WNT8B: variants seen among roughly 807,000 people sequenced by gnomAD.
The protein encoded by WNT8B is protein Wnt-8b.
WNT8B carries 24 observed loss-of-function variants against 36.6 expected under a neutral mutation model. That is an observed-to-expected ratio of 0.66 (90% CI 0.48 to 0.92). The LOEUF (loss-of-function observed/expected upper bound fraction) is 0.92. WNT8B is among the 40% of genes least tolerant of loss of function. The pLI is 0.00. For synonymous variants in WNT8B, 199 were observed against 189.8 expected (o/e 1.05, Z -0.40); for missense variants, 402 against 470.8 (o/e 0.85, Z 1.35).
rs769222868 is a variant in WNT8B, at chr10:100,482,676, G to A, written c.916G>A (p.Val306Met). 1.8e-5 allele frequency: 29 copies of A among 1,609,424 alleles called. No homozygotes were observed. The highest frequency in any genetic ancestry group is 8.4e-5 in the Admixed American group (5 of 59,866). Residue 306 changes from valine (V) to methionine (M), a missense_variant, in exon 6 of 6, where the codon GTG becomes ATG. Val to Met is a conservative substitution (Grantham distance 21, BLOSUM62 1). Coordinates refer to ENST00000343737, the MANE Select transcript of WNT8B (RefSeq NM_003393.4). The surrounding 1 kb of genome is among the most constrained non-coding windows in gnomAD (Gnocchi z 6.6). ...GGTGGAGGAGCGCCGGGCCGAGACC[G>A]TGTCCAGCTGCAACTGCAAGTTCCA... Reference protein sequence around the residue: ...LAVEERRAETVSSCNCKFHWC... With the variant: ...LAVEERRAETMSSCNCKFHWC...
chr10:100,481,837 C>A, intron 4 of WNT8B, 75 bp from the exon 5 acceptor site: 1 of 1,581,696 alleles, frequency 6.3e-7, no homozygotes, highest in Non-Finnish European at 8.6e-7. Context: ...CACCCCCAAC[C>A]CAATTAGAAA....
At chr10:100,467,411 T>A (rs554130121) in intron 1 of WNT8B, among the ~76,000 whole-genome samples, 1 of 152,266 alleles carries the variant, frequency 6.6e-6, no homozygotes, top group East Asian at 1.9e-4. Flanking sequence ...TAAGACCCTA[T>A]AAGAGGGCTA....
intron 1 of WNT8B, among the ~76,000 whole-genome samples, chr10:100,467,511 C>T (rs1183699832): frequency 2.0e-5 from 3 of 152,120 alleles, no homozygotes; most frequent in Non-Finnish European, 2.9e-5. Context: ...AGGAATTTCC[C>T]CTTCATTCAA....
In WNT8B at chr10:100,482,544, C is replaced by A; in HGVS notation, c.784C>A (p.Leu262Ile). ...GGACTACTGCCTGGAGAACAAAACG[C>A]TAGGGCTGCTGGGCACCGAAGGCCG... ...SPDYCLENKTLGLLGTEGREC... is the reference protein window; with the variant it reads ...SPDYCLENKTIGLLGTEGREC... Residue 262 changes from leucine to isoleucine, a missense_variant, in exon 6 of 6, where the codon CTA becomes ATA. This residue lies in a region of WNT8B where 256 missense variants were observed against 278.6 expected (regional missense o/e 0.92). Transcript: ENST00000343737. This position sits in a 1 kb window ranked among gnomAD's most constrained non-coding sequence, Gnocchi z 6.6. 6.3e-7 allele frequency: 1 copy of A among 1,599,432 alleles called. No homozygotes were observed. Among genetic ancestry groups the A allele is most frequent in the Non-Finnish European group, 8.5e-7 (1 of 1,179,142 alleles).
At chr10:100,468,897 C>T (rs1850940804) in intron 1 of WNT8B, among the ~76,000 whole-genome samples, 1 of 152,216 alleles carries the variant, frequency 6.6e-6, no homozygotes. Flanking sequence ...TTTTAATATA[C>T]ATTTTAATAT....
At chr10:100,476,318 C>A (rs528174062) in intron 1 of WNT8B, among the ~76,000 whole-genome samples, 17 of 151,730 alleles carry the variant, frequency 1.1e-4, no homozygotes, top group Admixed American at 2.6e-4. Context: ...AAAAAATAGG[C>A]CTTAGTTTTG....
At position 100,482,218 on chromosome 10, in the gene WNT8B, T is replaced by TA; in HGVS notation, c.511-50dup. 3.9e-6 allele frequency: 6 copies of TA among 1,540,004 alleles called. No individual in the cohort carries two copies. Among genetic ancestry groups the TA allele is most frequent in the Non-Finnish European group, 5.2e-6 (6 of 1,146,912 alleles). On this transcript the variant is annotated intron_variant, in intron 5 of 5. Coordinates refer to ENST00000343737, the MANE Select transcript of WNT8B (RefSeq NM_003393.4). The surrounding 1 kb of genome is among the most constrained non-coding windows in gnomAD (Gnocchi z 6.6). Reference sequence around the variant, plus strand: ...TTCTCGCAACTCCCACAGGGGCAGTTAAACTCGCCACGCGCTTAATCCGGG... The same window carrying TA: ...TTCTCGCAACTCCCACAGGGGCAGTTAAAACTCGCCACGCGCTTAATCCGGG...
intron 1 of WNT8B, among the ~76,000 whole-genome samples, chr10:100,464,489 A>G (rs1375677472): frequency 6.6e-6 from 1 of 152,214 alleles, no homozygotes; most frequent in Admixed American, 6.5e-5. Flanking sequence ...GCAAAAGAGA[A>G]ACACGAGATT....
chr10:100,477,940 C>CTGTTTTTTTTT lies in WNT8B; in HGVS notation c.69-1111_69-1110insGTTTTTTTTTT, dbSNP rs1169521181. Among the ~76,000 whole-genome samples, 464 of 145,092 alleles carry CTGTTTTTTTTT rather than the reference C, an allele frequency of 3.2e-3. 7 individuals carry two copies. The highest frequency in any genetic ancestry group is 0.012 in the African/African-American group (441 of 36,654). The stretch of plus-strand genomic sequence containing the variant: ...TACAGGCGCATACCACCATGCCTAG[C>CTGTTTTTTTTT]TATTTTTTTTTTTTTTTTTTAGTAG... On this transcript the variant is annotated intron_variant, in intron 1 of 5. Coordinates refer to ENST00000343737, the MANE Select transcript of WNT8B (RefSeq NM_003393.4).
Position 100,482,430 on chromosome 10 carries a change from G to A in WNT8B, c.670G>A (p.Ala224Thr), listed in dbSNP as rs569296758. The A allele has an allele frequency of 3.7e-6, 6 of 1,606,450 alleles. No homozygotes were observed. In the Middle Eastern group the frequency reaches 9.9e-4, roughly 265 times the overall value. ...ACTCAAGGTGGACCTGCTGCAGGGT[G>A]CTGGCAACAGCGCGGCCGGCCGCGG... is the stretch of plus-strand genomic sequence containing the variant. ...AALKVDLLQG[A>T]GNSAAGRGAI... The change falls in exon 6 of 6, where the codon GCT becomes ACT. Residue 224 changes from alanine to threonine, a missense_variant. Physicochemically the swap from Ala to Thr is moderately conservative, Grantham distance 58. Around this residue, in one of 3 missense-constraint regions of WNT8B, gnomAD observed 256 missense variants for 278.6 expected, o/e 0.92. Transcript: ENST00000343737. The surrounding 1 kb of genome is among the most constrained non-coding windows in gnomAD (Gnocchi z 6.6).
At chr10:100,465,143 A>G (rs1236423917) in intron 1 of WNT8B, among the ~76,000 whole-genome samples, 1 of 152,204 alleles carries the variant, frequency 6.6e-6, no homozygotes, top group African/African-American at 2.4e-5. Flanking sequence ...ATCAGCAGAA[A>G]TTCCTGGGCT....
At chr10:100,469,734 T>C (rs899967006) in intron 1 of WNT8B, among the ~76,000 whole-genome samples, 11 of 152,218 alleles carry the variant, frequency 7.2e-5, no homozygotes, top group Admixed American at 6.5e-4. Flanking sequence ...CATACCTTTG[T>C]GTCTGCTCGT....
intron 1 of WNT8B, among the ~76,000 whole-genome samples, chr10:100,478,138 T>C (rs17671992): frequency 0.014 from 2,154 of 152,258 alleles, 28 homozygotes; most frequent in Admixed American, 0.02. Flanking sequence ...GCATTACTTA[T>C]TTTTAGAGTT....
chr10:100,478,831 C>T (rs1851073586), intron 1 of WNT8B, among the ~76,000 whole-genome samples: 1 of 152,328 alleles, frequency 6.6e-6, no homozygotes, highest in African/African-American at 2.4e-5. Flanking sequence ...GATCCACCTG[C>T]TTCAGCCTCC....
At position 100,483,434 on chromosome 10, in the gene WNT8B, A is replaced by G. The variant is rs1851146449; in HGVS notation, c.*618A>G. The G allele has an allele frequency of 6.6e-6, 1 of 152,208 alleles. No homozygotes were observed. Among genetic ancestry groups the G allele is most frequent in the Non-Finnish European group, 1.5e-5 (1 of 68,050 alleles). The allele number at this position is 152,208 out of a possible 1,614,324, so 9.4% of individuals were successfully genotyped here. ...ATGGAAGAGGGAGCTCTGGAGTGCTAACTTGAACACCAAGGGTGCTACTCA... is the reference window on the plus strand; with the variant it reads ...ATGGAAGAGGGAGCTCTGGAGTGCTGACTTGAACACCAAGGGTGCTACTCA... On this transcript the variant is annotated 3_prime_UTR_variant, in exon 6 of 6. Transcript: ENST00000343737.
At chr10:100,480,187 G>GT (rs1464274201) in intron 3 of WNT8B, among the ~76,000 whole-genome samples, 175 bp downstream of exon 3, 6 of 152,098 alleles carry the variant, frequency 3.9e-5, no homozygotes, top group African/African-American at 1.4e-4. Flanking sequence ...CACCTGTAGA[G>GT]TTTTTTCTTT....
chr10:100,482,334 C>G lies in WNT8B; in HGVS notation c.574C>G (p.Gln192Glu). Residue 192 changes from glutamine (Q) to glutamate (E), a missense_variant, in exon 6 of 6, where the codon CAG becomes GAG. This residue lies in a region of WNT8B where 256 missense variants were observed against 278.6 expected (regional missense o/e 0.92). Coordinates refer to ENST00000343737, the MANE Select transcript of WNT8B (RefSeq NM_003393.4). This position sits in a 1 kb window ranked among gnomAD's most constrained non-coding sequence, Gnocchi z 6.6. ...CHGVSGSCTT[Q>E]TCWLQLPEFR... ...CGGCGTGTCTGGCAGCTGCACCACG[C>G]AGACCTGTTGGCTGCAGCTGCCCGA... is the stretch of plus-strand genomic sequence containing the variant. The G allele has an allele frequency of 1.9e-6, 3 of 1,603,274 alleles. No individual in the cohort carries two copies. The highest frequency in any genetic ancestry group is 4.5e-5 in the East Asian group (2 of 44,864).
At chr10:100,473,510 TA>T (rs1326118510) in intron 1 of WNT8B, among the ~76,000 whole-genome samples, 1 of 152,262 alleles carries the variant, frequency 6.6e-6, no homozygotes, top group Non-Finnish European at 1.5e-5. Flanking sequence ...ACATTTGATA[TA>T]GATAGAATCA....
At chr10:100,465,447 C>T (rs894218753) in intron 1 of WNT8B, among the ~76,000 whole-genome samples, 9 of 152,142 alleles carry the variant, frequency 5.9e-5, no homozygotes, top group Admixed American at 5.9e-4. Flanking sequence ...TGCACTTACT[C>T]ATCTGGAATG....
Sources: allele counts gnomAD v4.1 joint callset (sites outside exome capture counted in the v4.1 genomes callset), GRCh38; gene constraint gnomAD v4.1.1; regional missense constraint gnomAD v4.1.1; non-coding constraint Gnocchi (gnomAD v3.1); transcripts MANE v1.5; gene names NCBI Gene and HGNC (gene_info 2026-07-23, HGNC 2026-07-21).